GPR139: variants seen among roughly 807,000 people sequenced by gnomAD.
GPR139 encodes probable G protein-coupled receptor 139.
In GPR139, 12 loss-of-function variants were observed where a neutral mutation model predicts 25.8. That is an observed-to-expected ratio of 0.47 (90% CI 0.30 to 0.75). GPR139 has a LOEUF of 0.75. GPR139 is among the 30% of genes least tolerant of loss of function. The pLI is 0.07. For missense variants in GPR139, 380 were observed against 450.2 expected (o/e 0.84, Z 1.41); for synonymous variants, 184 against 179.9 (o/e 1.02, Z -0.18).
At chr16:20,056,475 A>T (rs2057388777) in intron 1 of GPR139, among the ~76,000 whole-genome samples, 1 of 152,194 alleles carries the variant, frequency 6.6e-6, no homozygotes, top group Non-Finnish European at 1.5e-5. Context: ...CTTTGTGTCT[A>T]TATGGGAATG....
chr16:20,041,117 A>G (rs543460760), intron 1 of GPR139, among the ~76,000 whole-genome samples: 108 of 4,698 alleles, frequency 0.023, 2 homozygotes, highest in African/African-American at 0.11. Context: ...CCCAGAAAGG[A>G]AAGGAAAGGA....
intron 1 of GPR139, among the ~76,000 whole-genome samples, chr16:20,064,731 C>CG (rs1253561922): frequency 6.6e-6 from 1 of 152,104 alleles, no homozygotes; most frequent in Non-Finnish European, 1.5e-5. Flanking sequence ...ACTGAGGCTC[C>CG]GAAAGGGTGA....
Position 20,053,774 on chromosome 16 carries a change from C to T in GPR139, c.127+19716G>A, listed in dbSNP as rs146195835. On this transcript the variant is annotated intron_variant, in intron 1 of 1. Coordinates refer to ENST00000570682, the MANE Select transcript of GPR139 (RefSeq NM_001002911.4). ...AATATCTGCTAATTTCTCTTGAATC[C>T]GCATTCTCATAAGCATTCATAGATG... is the stretch of plus-strand genomic sequence containing the variant. Among the ~76,000 whole-genome samples, 6 of 151,844 alleles carry T rather than the reference C, an allele frequency of 4.0e-5. No individual in the cohort carries two copies. In the South Asian group the frequency reaches 8.3e-4, roughly 21 times the overall value.
chr16:20,046,717 G>A lies in GPR139; in HGVS notation c.128-14048C>T, dbSNP rs189196416. On this transcript the variant is annotated intron_variant, in intron 1 of 1. Transcript: ENST00000570682. ...GGAGATTGAGGAGAACGGCACTCGA[G>A]GATCTGGGAATGGTAGGGACTGTGA... is the stretch of plus-strand genomic sequence containing the variant. Among the ~76,000 whole-genome samples, 5 of 152,234 alleles carry A rather than the reference G, an allele frequency of 3.3e-5. No individual in the cohort carries two copies. The East Asian group carries it at 9.6e-4, about 29-fold the overall frequency.
intron 1 of GPR139, among the ~76,000 whole-genome samples, chr16:20,046,702 G>A (rs932485507): frequency 2.0e-5 from 3 of 152,192 alleles, no homozygotes; most frequent in Non-Finnish European, 4.4e-5. Flanking sequence ...GGAGATTGAG[G>A]AGAACGGCAC....
intron 1 of GPR139, among the ~76,000 whole-genome samples, chr16:20,069,288 A>C (rs2057450379): frequency 1.7e-5 from 1 of 59,116 alleles, no homozygotes; most frequent in Non-Finnish European, 4.3e-5. Flanking sequence ...AGTTAAAGTC[A>C]CTTGCCCAAG....
chr16:20,038,738 G>A (rs926762171), intron 1 of GPR139, among the ~76,000 whole-genome samples: 1 of 152,072 alleles, frequency 6.6e-6, no homozygotes, highest in Non-Finnish European at 1.5e-5. Context: ...CGGTTCCTGT[G>A]TATTGATTTT....
intron 1 of GPR139, among the ~76,000 whole-genome samples, chr16:20,063,116 C>T (rs1236977641): frequency 6.6e-6 from 1 of 152,196 alleles, no homozygotes; most frequent in Non-Finnish European, 1.5e-5. Flanking sequence ...CACAGTTGCA[C>T]TAGTCAAATA....
At chr16:20,058,210 C>T (rs1355842247) in intron 1 of GPR139, among the ~76,000 whole-genome samples, 1 of 151,692 alleles carries the variant, frequency 6.6e-6, no homozygotes, top group Non-Finnish European at 1.5e-5. Context: ...TTTAACTATA[C>T]CCAGCAAAAA....
At chr16:20,060,380 G>A (rs1168396991) in intron 1 of GPR139, among the ~76,000 whole-genome samples, 1 of 151,794 alleles carries the variant, frequency 6.6e-6, no homozygotes, top group Non-Finnish European at 1.5e-5. Flanking sequence ...GTGTACTTCT[G>A]TGTGTCTATA....
chr16:20,057,282 C>G (rs1001244450), intron 1 of GPR139, among the ~76,000 whole-genome samples: 1 of 152,070 alleles, frequency 6.6e-6, no homozygotes, highest in African/African-American at 2.4e-5. Context: ...GCCAAATGAG[C>G]ATGATGGAAG....
In GPR139 at chr16:20,029,209, A is replaced by T. The variant is rs1049353621; in HGVS notation, c.*2526T>A. Among the ~76,000 whole-genome samples, 8 of 152,202 alleles carry T rather than the reference A, an allele frequency of 5.3e-5. No individual in the cohort carries two copies. The highest frequency in any genetic ancestry group is 3.4e-3 in the Middle Eastern group (1 of 294). ...TCGGAGGAAAAGAGATCACAATACCACGTGGTAGAGCCTCTATCATCGAGA... is the reference window on the plus strand; with the variant it reads ...TCGGAGGAAAAGAGATCACAATACCTCGTGGTAGAGCCTCTATCATCGAGA... On this transcript the variant is annotated 3_prime_UTR_variant, in exon 2 of 2. Coordinates refer to ENST00000570682, the MANE Select transcript of GPR139 (RefSeq NM_001002911.4).
intron 1 of GPR139, among the ~76,000 whole-genome samples, chr16:20,039,914 T>C (rs1334426382): frequency 6.6e-6 from 1 of 152,198 alleles, no homozygotes; most frequent in Admixed American, 6.5e-5. Flanking sequence ...AATTTACTTT[T>C]GACCAATACA....
chr16:20,055,496 TA>T (rs1358410907), intron 1 of GPR139, among the ~76,000 whole-genome samples: 1 of 152,170 alleles, frequency 6.6e-6, no homozygotes, highest in African/African-American at 2.4e-5. Context: ...CTTTCCAGTG[TA>T]AAAAACAGAG....
At chr16:20,061,999 G>C (rs1409748797) in intron 1 of GPR139, among the ~76,000 whole-genome samples, 1 of 152,194 alleles carries the variant, frequency 6.6e-6, no homozygotes. Context: ...CAGGTGCAGG[G>C]TCTTGTGCCT....
intron 1 of GPR139, among the ~76,000 whole-genome samples, chr16:20,036,818 T>A (rs537976862): frequency 6.6e-6 from 1 of 152,170 alleles, no homozygotes; most frequent in Non-Finnish European, 1.5e-5. Context: ...AGTGAGATAA[T>A]TTTAATAAAG....
Position 20,028,720 on chromosome 16 carries a change from C to T in GPR139, c.*3015G>A, listed in dbSNP as rs989426. Among the ~76,000 whole-genome samples, 47,760 of 152,000 alleles carry T rather than the reference C, an allele frequency of 0.31. 7,870 individuals are homozygous for T. The highest frequency in any genetic ancestry group is 0.48 in the East Asian group (2,458 of 5,164). On this transcript the variant is annotated 3_prime_UTR_variant, in exon 2 of 2. Transcript: ENST00000570682. ...TTCCTTCCCCATGAGACATTTCAGC[C>T]GTCAAGTTGTTCAATAAAAAGACAC...
chr16:20,050,329 G>A lies in GPR139; in HGVS notation c.128-17660C>T, dbSNP rs114374799. Among the ~76,000 whole-genome samples the A allele has an allele frequency of 3.5e-3, 539 of 152,328 alleles. 3 individuals are homozygous for A. The highest frequency in any genetic ancestry group is 0.012 in the African/African-American group (516 of 41,578). ...AGAAGCAAGAGACGGGATGGCTGTTGAGCAGGTAGAAGTTCAGCATAGAAT... is the reference window on the plus strand; with the variant it reads ...AGAAGCAAGAGACGGGATGGCTGTTAAGCAGGTAGAAGTTCAGCATAGAAT... On this transcript the variant is annotated intron_variant, in intron 1 of 1. Transcript: ENST00000570682.
chr16:20,041,657 G>T (rs2057336899), intron 1 of GPR139, among the ~76,000 whole-genome samples: 1 of 152,166 alleles, frequency 6.6e-6, no homozygotes, highest in Admixed American at 6.5e-5. Context: ...GTTCGGTGTT[G>T]AGTGGTCTCC....
Sources: allele counts gnomAD v4.1 joint callset (sites outside exome capture counted in the v4.1 genomes callset), GRCh38; gene constraint gnomAD v4.1.1; transcripts MANE v1.5; gene names NCBI Gene and HGNC (gene_info 2026-07-23, HGNC 2026-07-21).